Variants in SNTG2 observed in about 807,000 individuals in gnomAD.
SNTG2 encodes the protein syntrophin gamma 2.
SNTG2 carries 74 observed loss-of-function variants against 70.9 expected under a neutral mutation model. The ratio of observed to expected loss-of-function variants is 1.04; its 90% confidence interval spans 0.86 to 1.27. The LOEUF (loss-of-function observed/expected upper bound fraction) is 1.27, where lower values mean the gene tolerates loss of function less well. SNTG2 is among the 50% of genes most tolerant of loss of function. SNTG2 has a pLI of 0.00. For synonymous variants in SNTG2, 278 were observed against 273.8 expected, an observed-to-expected ratio of 1.02 and a Z score of -0.15; for missense variants, 717 against 690.7, an observed-to-expected ratio of 1.04 and a Z score of -0.43.
intron 4 of SNTG2, among the ~76,000 whole-genome samples, chr2:1,135,783 C>T (rs115929439): frequency 0.013 from 1,970 of 152,302 alleles, 57 homozygotes; most frequent in African/African-American, 0.045. Context: ...ATGACAATGA[C>T]TACTTTCCAT....
intron 1 of SNTG2, among the ~76,000 whole-genome samples, chr2:1,064,137 A>G (rs1663002345): frequency 6.6e-6 from 1 of 152,330 alleles, no homozygotes; most frequent in South Asian, 2.1e-4. Flanking sequence ...CCATATCTTC[A>G]CAGTGCTAAA....
intron 9 of SNTG2, among the ~76,000 whole-genome samples, chr2:1,224,256 C>T (rs1041916785): frequency 1.3e-5 from 2 of 152,318 alleles, no homozygotes; most frequent in African/African-American, 4.8e-5. Context: ...TGACCCCAGA[C>T]TTGGGGATGG....
At chr2:1,085,600 A>G (rs1354570424) in intron 2 of SNTG2, among the ~76,000 whole-genome samples, 1 of 152,272 alleles carries the variant, frequency 6.6e-6, no homozygotes, top group Non-Finnish European at 1.5e-5. Flanking sequence ...AAAACAAAAA[A>G]GAGCAAAACT....
chr2:1,326,288 TGG>T (rs1371836135), intron 16 of SNTG2, among the ~76,000 whole-genome samples: 1 of 152,242 alleles, frequency 6.6e-6, no homozygotes, highest in Non-Finnish European at 1.5e-5. Context: ...ATGCCTTTCT[TGG>T]ACTTGCAGGA....
At chr2:1,352,242 C>T (rs894625583) in intron 16 of SNTG2, among the ~76,000 whole-genome samples, 7 of 152,252 alleles carry the variant, frequency 4.6e-5, no homozygotes, top group African/African-American at 9.6e-5. Context: ...GCTCAATCCT[C>T]CTGGCACCTT....
chr2:996,437 G>A (rs1490136314), intron 1 of SNTG2, among the ~76,000 whole-genome samples: 2 of 151,950 alleles, frequency 1.3e-5, no homozygotes, highest in Non-Finnish European at 2.9e-5. Flanking sequence ...ACACCTTGTA[G>A]AAAAATGGGT....
In SNTG2 at chr2:1,348,541, C is replaced by G. The variant is rs57300814; in HGVS notation, c.1489-18802C>G. Among the ~76,000 whole-genome samples the G allele has an allele frequency of 5.1e-3, 770 of 152,332 alleles. 9 individuals carry two copies. Among genetic ancestry groups the G allele is most frequent in the African/African-American group, 0.018 (733 of 41,566 alleles). On this transcript the variant is annotated intron_variant, in intron 16 of 16. Transcript: ENST00000308624. ...TCTTTATATACACTCAACCAATTGT[C>G]AACAAGAAAATTTTTCAGTCTACTT... is the stretch of plus-strand genomic sequence containing the variant.
intron 8 of SNTG2, among the ~76,000 whole-genome samples, chr2:1,183,880 T>C (rs933292625): frequency 1.3e-5 from 2 of 152,220 alleles, no homozygotes; most frequent in East Asian, 3.8e-4. Context: ...ATCCAATTTT[T>C]TTTTCTCAAA....
rs144679591 is a variant in SNTG2 at position 1,095,098 on chromosome 2, A to AAG, written c.211-3085_211-3084dup. Among the ~76,000 whole-genome samples, 999 of 151,370 alleles carry AAG rather than the reference A, an allele frequency of 6.6e-3. 9 individuals carry two copies. The highest frequency in any genetic ancestry group is 0.023 in the African/African-American group (934 of 41,378). ...GCAAGAGAGAAAAAAGAGAAAAAAA[A>AAG]AGAGAGAGAGAGAGCGCTGTATCTG... On this transcript the variant is annotated intron_variant, in intron 2 of 16. Coordinates refer to ENST00000308624, the MANE Select transcript of SNTG2 (RefSeq NM_018968.4).
At chr2:1,237,847 C>A in intron 9 of SNTG2, 41 bp from the exon 10 acceptor site, 1 of 1,565,510 alleles carries the variant, frequency 6.4e-7, no homozygotes. Flanking sequence ...GGCCCGCTCC[C>A]GTCGCTGCGG....
intron 1 of SNTG2, among the ~76,000 whole-genome samples, chr2:979,491 C>T (rs1661031052): frequency 6.6e-6 from 1 of 152,060 alleles, no homozygotes; most frequent in Non-Finnish European, 1.5e-5. Context: ...CCATGTTGGT[C>T]ACCATGTATC....
At chr2:1,252,031 T>A (rs943623349) in intron 12 of SNTG2, among the ~76,000 whole-genome samples, 4 of 152,188 alleles carry the variant, frequency 2.6e-5, no homozygotes, top group Non-Finnish European at 5.9e-5. Context: ...CCACCAGGCT[T>A]GAGTTCAGAG....
At chr2:1,141,821 G>A (rs966290008) in intron 6 of SNTG2, among the ~76,000 whole-genome samples, 1 of 152,112 alleles carries the variant, frequency 6.6e-6, no homozygotes, top group Non-Finnish European at 1.5e-5. Flanking sequence ...CGTGTTTGGG[G>A]CCCTGAGACA....
rs1675360524 is a variant in SNTG2 at position 1,222,529 on chromosome 2, C to CTGG, written c.719+13300_719+13302dup. ...GGGCGTCTCCCTGTCCTGCCTGCTG[C>CTGG]TGGAGGTGCTGGATCGCTGTAGAGG... is the stretch of plus-strand genomic sequence containing the variant. On this transcript the variant is annotated intron_variant, in intron 9 of 16. Coordinates refer to ENST00000308624, the MANE Select transcript of SNTG2 (RefSeq NM_018968.4). 6.8e-5 allele frequency among the ~76,000 whole-genome samples: 7 copies of CTGG among 103,424 alleles called. 1 individual carries two copies. Among genetic ancestry groups the CTGG allele is most frequent in the Non-Finnish European group, 1.0e-4 (5 of 49,166 alleles). The allele number at this position is 103,424 out of a possible 152,430, so 67.9% of individuals were successfully genotyped here.
intron 1 of SNTG2, among the ~76,000 whole-genome samples, chr2:1,016,681 A>G (rs1159629632): frequency 1.3e-5 from 2 of 152,270 alleles, no homozygotes; most frequent in African/African-American, 4.8e-5. Context: ...CCAAATATAC[A>G]TATTTAGCAG....
At chr2:1,010,223 C>A (rs1001764723) in intron 1 of SNTG2, among the ~76,000 whole-genome samples, 7 of 151,904 alleles carry the variant, frequency 4.6e-5, no homozygotes, top group Admixed American at 2.0e-4. Flanking sequence ...AAAGATGGGA[C>A]CCAGAACTCA....
At chr2:1,169,338 C>T (rs1206458478) in intron 7 of SNTG2, among the ~76,000 whole-genome samples, 1 of 152,110 alleles carries the variant, frequency 6.6e-6, no homozygotes, top group Non-Finnish European at 1.5e-5. Flanking sequence ...GGGGCCGTTC[C>T]TGACTTCTCT....
chr2:1,224,895 C>T (rs539956180), intron 9 of SNTG2, among the ~76,000 whole-genome samples: 10 of 152,268 alleles, frequency 6.6e-5, no homozygotes, highest in Non-Finnish European at 1.3e-4. Context: ...CTGGAGTTCA[C>T]GGAACCCCTC....
chr2:1,239,874 T>A, intron 11 of SNTG2, 98 bp downstream of exon 11: 1 of 1,435,006 alleles, frequency 7.0e-7, no homozygotes, highest in Non-Finnish European at 9.6e-7. Flanking sequence ...AGTCTCTGGT[T>A]TTTTGAAATT....
Sources: gnomAD v4.1 joint callset for allele counts (sites outside exome capture counted in the v4.1 genomes callset) on GRCh38, gnomAD v4.1.1 for gene constraint, MANE v1.5 for transcripts, NCBI Gene and HGNC (gene_info 2026-07-23, HGNC 2026-07-21) for gene names.